Variants in PTPN14 observed in about 807,000 individuals in gnomAD.
PTPN14 encodes the protein tyrosine-protein phosphatase non-receptor type 14.
A neutral mutation model predicts 126.8 loss-of-function variants in PTPN14; 53 were observed. The observed-to-expected ratio is 0.42, with a 90% CI of 0.34 to 0.53. PTPN14 has a LOEUF of 0.53. Among genes scored for constraint, PTPN14 ranks in the 20% least tolerant of loss-of-function variants. The pLI, the probability that PTPN14 is intolerant of heterozygous loss-of-function variation, is 0.08. For missense variants in PTPN14, 1,257 were observed against 1,552.9 expected, an observed-to-expected ratio of 0.81 and a Z score of 3.20; for synonymous variants, 630 against 599.3, an observed-to-expected ratio of 1.05 and a Z score of -0.75.
intron 3 of PTPN14, among the ~76,000 whole-genome samples, chr1:214,436,936 T>C (rs553350420): frequency 3.3e-5 from 5 of 151,546 alleles, no homozygotes; most frequent in Admixed American, 2.6e-4. Context: ...AATCTCTCAA[T>C]GTATATAGTA....
At chr1:214,538,325 C>T (rs1655757591) in intron 1 of PTPN14, among the ~76,000 whole-genome samples, 1 of 152,228 alleles carries the variant, frequency 6.6e-6, no homozygotes, top group Admixed American at 6.5e-5. Flanking sequence ...ACTTACTCCA[C>T]TTACTAGCTG....
intron 1 of PTPN14, among the ~76,000 whole-genome samples, chr1:214,547,271 CTCCCCGAT>C (rs1304333083): frequency 2.6e-5 from 4 of 152,208 alleles, no homozygotes; most frequent in African/African-American, 9.6e-5. Context: ...CCTGGGCTCT[CTCCCCGAT>C]TCCCCAAAGG....
chr1:214,404,621 G>T (rs1659119386), intron 5 of PTPN14, among the ~76,000 whole-genome samples: 1 of 152,096 alleles, frequency 6.6e-6, no homozygotes, highest in Non-Finnish European at 1.5e-5. Flanking sequence ...CTCTGCTATT[G>T]TTCTCAACTT....
intron 1 of PTPN14, among the ~76,000 whole-genome samples, chr1:214,520,343 T>C (rs1344898077): frequency 6.6e-6 from 1 of 151,750 alleles, no homozygotes; most frequent in Non-Finnish European, 1.5e-5. Context: ...ACTGAGAAGG[T>C]TTTAGAATGC....
intron 3 of PTPN14, among the ~76,000 whole-genome samples, chr1:214,441,025 T>C (rs1036963178): frequency 1.3e-5 from 2 of 152,162 alleles, no homozygotes; most frequent in African/African-American, 4.8e-5. Flanking sequence ...GGAACTAAAC[T>C]CCCTGTTACT....
At chr1:214,362,104 A>G (rs557145342) in intron 18 of PTPN14, among the ~76,000 whole-genome samples, 1 of 152,316 alleles carries the variant, frequency 6.6e-6, no homozygotes, top group South Asian at 2.1e-4. Context: ...TATATTTGTT[A>G]AAATCTTTGC....
Position 214,384,140 on chromosome 1 carries a change from C to T in PTPN14, c.1715G>A (p.Arg572Gln), listed in dbSNP as rs754628465. 1.9e-6 allele frequency: 3 copies of T among 1,576,294 alleles called. No homozygotes were observed. Among genetic ancestry groups the T allele is most frequent in the African/African-American group, 1.3e-5 (1 of 74,488 alleles). ...YLFRPPPPYP[R>Q]PRPATSTPDL... ...TGGGGTGCTGGTGGCAGGTCGTGGC[C>T]GTGGGTAGGGGGGCGGTGGCCTGAA... Residue 572 changes from arginine to glutamine, a missense_variant, in exon 13 of 19, where the codon CGG becomes CAG. This residue lies in a region of PTPN14 where 1,021 missense variants were observed against 1,183.3 expected (regional missense o/e 0.86). Transcript: ENST00000366956. This position sits in a 1 kb window ranked among gnomAD's most constrained non-coding sequence, Gnocchi z 5.3.
intron 1 of PTPN14, among the ~76,000 whole-genome samples, chr1:214,545,962 A>G (rs1177994475): frequency 6.6e-6 from 1 of 152,138 alleles, no homozygotes; most frequent in African/African-American, 2.4e-5. Context: ...GCAACATGGA[A>G]ACATCTAATT....
chr1:214,448,918 G>A (rs1660208658), intron 3 of PTPN14, among the ~76,000 whole-genome samples: 1 of 151,438 alleles, frequency 6.6e-6, no homozygotes, highest in African/African-American at 2.4e-5. Context: ...CCCTAATTTT[G>A]TGCTCCAGAA....
At chr1:214,423,267 C>T (rs1029266657) in intron 3 of PTPN14, among the ~76,000 whole-genome samples, 2 of 151,992 alleles carry the variant, frequency 1.3e-5, no homozygotes, top group Non-Finnish European at 2.9e-5. Context: ...TTGGAGGCTG[C>T]GGTGAGTTGT....
chr1:214,387,688 AAAAG>A (rs1211096860), intron 11 of PTPN14, among the ~76,000 whole-genome samples: 47 of 151,512 alleles, frequency 3.1e-4, no homozygotes, highest in African/African-American at 7.5e-4. Flanking sequence ...AAAAAAAAAA[AAAAG>A]AAAGAAAGAA....
rs559851806 is a variant in PTPN14, at chr1:214,474,688, G to A, written c.-154-9731C>T. 2.0e-5 allele frequency among the ~76,000 whole-genome samples: 3 copies of A among 152,294 alleles called. No individual in the cohort carries two copies. In the East Asian group the frequency reaches 5.8e-4, roughly 29 times the overall value. On this transcript the variant is annotated intron_variant, in intron 1 of 18. Transcript: ENST00000366956. The stretch of plus-strand genomic sequence containing the variant: ...CGGAAGCACTTTCCCCAAAGAGGTG[G>A]TTCTCTATCTTGTACATCTCTAACA...
chr1:214,447,195 CT>C (rs1414785763), intron 3 of PTPN14, among the ~76,000 whole-genome samples: 1 of 152,068 alleles, frequency 6.6e-6, no homozygotes, highest in African/African-American at 2.4e-5. Context: ...AAACATTCCT[CT>C]GGAATCCTGC....
At position 214,384,590 on chromosome 1, in the gene PTPN14, C is replaced by G. The variant is rs757598931; in HGVS notation, c.1265G>C (p.Arg422Pro). ...NLSIPGSDIMRADYIPSHRHS... is the reference protein window; with the variant it reads ...NLSIPGSDIMPADYIPSHRHS... Reference sequence around the variant, plus strand: ...CCGGTGGCTCGGGATGTAGTCGGCCCGCATGATGTCACTCCCAGGGATACT... The same window carrying G: ...CCGGTGGCTCGGGATGTAGTCGGCCGGCATGATGTCACTCCCAGGGATACT... The change falls in exon 13 of 19, where the codon CGG (arginine) becomes CCG (proline). Residue 422 changes from arginine to proline, a missense_variant. Physicochemically the swap from Arg to Pro is moderately radical, Grantham distance 103. Around this residue, in one of 3 missense-constraint regions of PTPN14, gnomAD observed 1,021 missense variants for 1,183.3 expected, o/e 0.86. Transcript: ENST00000366956. The surrounding 1 kb of genome is among the most constrained non-coding windows in gnomAD (Gnocchi z 5.3). 13 of 1,614,092 alleles carry G rather than the reference C, an allele frequency of 8.1e-6. No homozygotes were observed. Among genetic ancestry groups the G allele is most frequent in the Non-Finnish European group, 1.1e-5 (13 of 1,180,030 alleles).
In PTPN14 at chr1:214,384,403, C is replaced by A. The variant is rs766859583; in HGVS notation, c.1452G>T (p.Val484=). ...TCTCCCGCATCTCCGGTTGGCTGTA[C>A]ACCAGATCCTCTGGCTGGTTGTAGG... is the stretch of plus-strand genomic sequence containing the variant. ...THAYNQPEDL[V]YSQPEMRERH... The change falls in exon 13 of 19, where the codon GTG becomes GTT. Residue 484 remains valine (V), a synonymous_variant. Transcript: ENST00000366956. The surrounding 1 kb of genome is among the most constrained non-coding windows in gnomAD (Gnocchi z 5.3). 6.2e-7 allele frequency: 1 copy of A among 1,614,174 alleles called. No individual in the cohort carries two copies. The highest frequency in any genetic ancestry group is 1.6e-4 in the Middle Eastern group (1 of 6,062).
intron 5 of PTPN14, among the ~76,000 whole-genome samples, chr1:214,405,797 T>C (rs560956296): frequency 1.4e-4 from 21 of 152,330 alleles, no homozygotes; most frequent in Admixed American, 6.5e-4. Flanking sequence ...TATTTCACAA[T>C]GTATTATGTC....
intron 3 of PTPN14, among the ~76,000 whole-genome samples, 158 bp downstream of exon 3, chr1:214,451,647 G>A (rs565667235): frequency 9.9e-5 from 15 of 152,134 alleles, no homozygotes; most frequent in Non-Finnish European, 1.6e-4. Flanking sequence ...AAGCTGCAAA[G>A]CAATGAGTAA....
chr1:214,461,222 T>C (rs1660503555), intron 2 of PTPN14, among the ~76,000 whole-genome samples: 1 of 152,196 alleles, frequency 6.6e-6, no homozygotes, highest in African/African-American at 2.4e-5. Flanking sequence ...AAAATTTTAA[T>C]CCACCATACA....
rs1041780703 is a variant in PTPN14, at chr1:214,383,393, T to C, written c.2462A>G (p.Lys821Arg). 1 of 1,614,136 alleles carries C rather than the reference T, an allele frequency of 6.2e-7. No individual in the cohort carries two copies. Among genetic ancestry groups the C allele is most frequent in the African/African-American group, 1.3e-5 (1 of 74,948 alleles). Reference sequence around the variant, plus strand: ...AGGTCTCTCCTTCACAGGCTCTTTTTTGACCCGCTCCTTCACACTAGTCAG... The same window carrying C: ...AGGTCTCTCCTTCACAGGCTCTTTTCTGACCCGCTCCTTCACACTAGTCAG... ...PDLTSVKERV[K>R]KEPVKERPVS... is the part of the protein sequence containing the mutation. Residue 821 changes from lysine to arginine, a missense_variant, in exon 13 of 19, where the codon AAA becomes AGA. By Grantham distance (26) the Lys-to-Arg change is conservative (BLOSUM62 2). Transcript: ENST00000366956. The surrounding 1 kb of genome is among the most constrained non-coding windows in gnomAD (Gnocchi z 4.4).
Sources: allele counts gnomAD v4.1 joint callset (sites outside exome capture counted in the v4.1 genomes callset), GRCh38; gene constraint gnomAD v4.1.1; regional missense constraint gnomAD v4.1.1; non-coding constraint Gnocchi (gnomAD v3.1); transcripts MANE v1.5; gene names NCBI Gene and HGNC (gene_info 2026-07-23, HGNC 2026-07-21).